Variants in SLC24A2 observed in about 807,000 individuals in gnomAD.
The protein encoded by SLC24A2 is sodium/potassium/calcium exchanger 2.
Under a neutral mutation model 62.0 loss-of-function variants are expected in SLC24A2, and 36 were observed. The ratio of observed to expected loss-of-function variants is 0.58; its 90% CI spans 0.44 to 0.77. The LOEUF (loss-of-function observed/expected upper bound fraction) is 0.77, where lower values mean the gene tolerates loss of function less well. Among genes scored for constraint, SLC24A2 ranks in the 30% least tolerant of loss-of-function variants. SLC24A2 has a pLI of 0.00. For synonymous variants in SLC24A2, 358 were observed against 294.0 expected (o/e 1.22, Z -2.23); for missense variants, 846 against 817.9 (o/e 1.03, Z -0.42).
the SLC24A2 span, among the ~76,000 whole-genome samples, chr9:19,836,908 G>A: frequency 2.6e-5 from 4 of 152,318 alleles, no homozygotes; most frequent in East Asian, 7.7e-4. Flanking sequence ...TCCATGGGAT[G>A]CAAGCCTGGT....
chr9:20,116,171 C>T, the SLC24A2 span, among the ~76,000 whole-genome samples: 3 of 152,122 alleles, frequency 2.0e-5, no homozygotes, highest in Admixed American at 6.6e-5. Context: ...TTTCCTAATT[C>T]AGGAGCCCAG....
At chr9:19,527,401 T>A (rs1457688714) in intron 9 of SLC24A2, among the ~76,000 whole-genome samples, 1 of 152,166 alleles carries the variant, frequency 6.6e-6, no homozygotes, top group Non-Finnish European at 1.5e-5. Context: ...ATGTATAGGG[T>A]TACTGTTAAG....
intron 9 of SLC24A2, among the ~76,000 whole-genome samples, chr9:19,526,305 T>G (rs1229063189): frequency 6.6e-6 from 1 of 152,238 alleles, no homozygotes; most frequent in African/African-American, 2.4e-5. Context: ...TAATGCTACT[T>G]TGAACATTTG....
Position 19,566,551 on chromosome 9 carries a change from T to G in SLC24A2, c.1347+6800A>C, listed in dbSNP as rs192143526. 4.1e-3 allele frequency among the ~76,000 whole-genome samples: 629 copies of G among 152,142 alleles called. 2 individuals are homozygous for G. Among genetic ancestry groups the G allele is most frequent in the Middle Eastern group, 0.01 (3 of 294 alleles). ...AGTTCAACCATTGTGGAAGACAGTG[T>G]GGCGATTCCTCAAGGATCTAGAACT... is the stretch of plus-strand genomic sequence containing the variant. On this transcript the variant is annotated intron_variant, in intron 7 of 10. Coordinates refer to ENST00000341998, the MANE Select transcript of SLC24A2 (RefSeq NM_020344.4).
chr9:19,959,389 C>T, the SLC24A2 span, among the ~76,000 whole-genome samples: 2 of 152,146 alleles, frequency 1.3e-5, no homozygotes, highest in Non-Finnish European at 2.9e-5. Context: ...TTTGACAGAG[C>T]TTATGTATAA....
chr9:19,786,775 T>C lies in SLC24A2; in HGVS notation c.92A>G (p.Lys31Arg), dbSNP rs1180558694. Residue 31 changes from lysine (K) to arginine (R), a missense_variant, in exon 2 of 11, where the codon AAG (lysine) becomes AGG (arginine). By Grantham distance (26) the Lys-to-Arg change is conservative. Coordinates refer to ENST00000341998, the MANE Select transcript of SLC24A2 (RefSeq NM_020344.4). This position sits in a 1 kb window ranked among gnomAD's most constrained non-coding sequence, Gnocchi z 5.0. ...GACTCGAATTAACTTCAGTTTTTTC[T>C]TGACACTATAATGTCTTCTGCAGCC... The part of the protein sequence containing the change: ...LSGCRRHYSV[K>R]KKLKLIRVLG... 2.5e-6 allele frequency: 4 copies of C among 1,603,856 alleles called. No homozygotes were observed. The African/African-American group carries it at 4.0e-5, about 16-fold the overall frequency.
At chr9:19,757,147 T>A (rs1005509110) in intron 2 of SLC24A2, among the ~76,000 whole-genome samples, 1 of 152,114 alleles carries the variant, frequency 6.6e-6, no homozygotes, top group Non-Finnish European at 1.5e-5. Context: ...CAACTCACAA[T>A]TGAAACAACT....
chr9:19,697,848 CA>C (rs1820237633), intron 2 of SLC24A2, among the ~76,000 whole-genome samples: 1 of 152,020 alleles, frequency 6.6e-6, no homozygotes, highest in African/African-American at 2.4e-5. Flanking sequence ...GATATGGTGG[CA>C]AAGTTCACCT....
chr9:20,007,962 C>T, the SLC24A2 span, among the ~76,000 whole-genome samples: 1 of 125,900 alleles, frequency 7.9e-6, no homozygotes, highest in Non-Finnish European at 1.6e-5. Flanking sequence ...GTGGCATGAT[C>T]TCGGTTCACT....
intron 8 of SLC24A2, among the ~76,000 whole-genome samples, chr9:19,543,641 A>T (rs531392014): frequency 1.3e-5 from 2 of 152,224 alleles, no homozygotes; most frequent in East Asian, 1.9e-4. Context: ...GTTAGTTCTC[A>T]TTGGTTTCAA....
Position 19,707,054 on chromosome 9 carries a change from TA to T in SLC24A2, c.930+78882del, listed in dbSNP as rs1279572253. Among the ~76,000 whole-genome samples, 684 of 151,644 alleles carry T rather than the reference TA, an allele frequency of 4.5e-3. 5 individuals are homozygous for T. The highest frequency in any genetic ancestry group is 0.016 in the African/African-American group (644 of 41,334). ...AGAGAGAAGAATCAAATAGACGCAA[TA>T]AAAAATGACAAAGGGGATATCACCA... On this transcript the variant is annotated intron_variant, in intron 2 of 10. Transcript: ENST00000341998.
intron 8 of SLC24A2, among the ~76,000 whole-genome samples, chr9:19,534,789 T>A (rs930422775): frequency 6.6e-6 from 1 of 152,234 alleles, no homozygotes; most frequent in Admixed American, 6.5e-5. Flanking sequence ...TCCAAGTCTT[T>A]GCTATTGTGA....
intron 9 of SLC24A2, among the ~76,000 whole-genome samples, chr9:19,525,136 T>G (rs1281726348): frequency 2.0e-5 from 3 of 152,128 alleles, no homozygotes; most frequent in African/African-American, 7.2e-5. Flanking sequence ...ACAGAGAACT[T>G]GCTCAGGAAG....
chr9:19,577,384 G>A (rs1316306859), intron 5 of SLC24A2, among the ~76,000 whole-genome samples: 1 of 152,182 alleles, frequency 6.6e-6, no homozygotes, highest in Non-Finnish European at 1.5e-5. Flanking sequence ...ACCAGATTTT[G>A]ACAATGGGCT....
the SLC24A2 span, among the ~76,000 whole-genome samples, chr9:20,183,157 C>T: frequency 2.6e-5 from 4 of 152,212 alleles, no homozygotes; most frequent in African/African-American, 4.8e-5. Flanking sequence ...TCTATCTTCA[C>T]GGGAGCATTT....
At chr9:19,788,405 G>T in intron 1 of SLC24A2, 2 of 667,238 alleles carry the variant, frequency 3.0e-6, no homozygotes, top group Non-Finnish European at 3.7e-6. Context: ...CCCACCGCTC[G>T]TCTCCCCGGG....
At chr9:20,097,644 T>A in the SLC24A2 span, among the ~76,000 whole-genome samples, 1 of 149,554 alleles carries the variant, frequency 6.7e-6, no homozygotes. Flanking sequence ...TTAAGGTCAC[T>A]AAGACAGTCC....
At chr9:19,524,182 G>C (rs1258825492) in intron 9 of SLC24A2, among the ~76,000 whole-genome samples, 1 of 149,132 alleles carries the variant, frequency 6.7e-6, no homozygotes, top group Non-Finnish European at 1.5e-5. Flanking sequence ...ACTCAGAGGA[G>C]GCCAAACTCC....
the SLC24A2 span, among the ~76,000 whole-genome samples, chr9:19,970,395 A>G: frequency 1.3e-5 from 2 of 152,224 alleles, no homozygotes; most frequent in Non-Finnish European, 2.9e-5. Flanking sequence ...GTAATACTCC[A>G]TTTAGTTGTG....
Sources: gnomAD v4.1 joint callset for allele counts (sites outside exome capture counted in the v4.1 genomes callset) on GRCh38, gnomAD v4.1.1 for gene constraint, Gnocchi (gnomAD v3.1) non-coding constraint, MANE v1.5 for transcripts, NCBI Gene and HGNC (gene_info 2026-07-23, HGNC 2026-07-21) for gene names.